Variants in ADORA2B observed in about 807,000 individuals in gnomAD.
The protein encoded by ADORA2B is adenosine receptor A2b.
ADORA2B carries 18 observed loss-of-function variants against 20.8 expected under a neutral mutation model. The observed-to-expected ratio is 0.87, with a 90% CI of 0.60 to 1.29. The LOEUF (loss-of-function observed/expected upper bound fraction) is 1.29, where lower values mean the gene tolerates loss of function less well. ADORA2B is among the 50% of genes most tolerant of loss of function. The pLI, the probability that ADORA2B is intolerant of heterozygous loss-of-function variation, is 0.00. For synonymous variants in ADORA2B, 179 were observed against 178.3 expected, an observed-to-expected ratio of 1.00 and a Z score of -0.03; for missense variants, 441 against 422.7, an observed-to-expected ratio of 1.04 and a Z score of -0.38.
the ADORA2B span, among the ~76,000 whole-genome samples, chr17:15,915,811 G>A: frequency 4.1e-3 from 626 of 152,290 alleles, 8 homozygotes; most frequent in African/African-American, 0.014. Flanking sequence ...CACTGATATT[G>A]GGGAGGGTAT....
chr17:15,871,224 C>A, the ADORA2B span, among the ~76,000 whole-genome samples: 4 of 152,124 alleles, frequency 2.6e-5, no homozygotes, highest in Non-Finnish European at 5.9e-5. Context: ...GTGTAGAGAC[C>A]TGTCAGATTG....
At chr17:15,886,793 G>A in the ADORA2B span, among the ~76,000 whole-genome samples, 2 of 130,402 alleles carry the variant, frequency 1.5e-5, 1 homozygote, top group African/African-American at 6.5e-5. Context: ...GAATCATGTG[G>A]GTCCTGAACT....
the ADORA2B span, among the ~76,000 whole-genome samples, chr17:15,855,586 T>A: frequency 6.6e-6 from 1 of 151,516 alleles, no homozygotes; most frequent in African/African-American, 2.4e-5. Flanking sequence ...TGCTTTTTTT[T>A]AATGGTGGTA....
chr17:15,966,628 T>G (rs1970120807), intron 1 of ADORA2B, among the ~76,000 whole-genome samples: 1 of 152,154 alleles, frequency 6.6e-6, no homozygotes, highest in Non-Finnish European at 1.5e-5. Flanking sequence ...CGTGTGACTG[T>G]TTTTCTGTCA....
chr17:15,946,751 A>T (rs556421616), intron 1 of ADORA2B, among the ~76,000 whole-genome samples: 3 of 151,996 alleles, frequency 2.0e-5, no homozygotes, highest in Non-Finnish European at 4.4e-5. Context: ...TGTATCAGGG[A>T]TGGGTGTCAG....
the ADORA2B span, among the ~76,000 whole-genome samples, chr17:15,857,894 C>T: frequency 1.4e-3 from 216 of 151,372 alleles, no homozygotes; most frequent in African/African-American, 5.1e-3. Flanking sequence ...CTTCAAGGCT[C>T]ATTTATGTTG....
the ADORA2B span, among the ~76,000 whole-genome samples, chr17:15,863,040 T>C: frequency 6.6e-6 from 1 of 152,150 alleles, no homozygotes; most frequent in Non-Finnish European, 1.5e-5. Flanking sequence ...GTCATATATT[T>C]TAGAGGTTTA....
At chr17:15,961,901 G>A (rs1171492967) in intron 1 of ADORA2B, among the ~76,000 whole-genome samples, 2 of 152,162 alleles carry the variant, frequency 1.3e-5, no homozygotes, top group Non-Finnish European at 2.9e-5. Flanking sequence ...TGACCTGATC[G>A]CCTCTTAAAG....
the ADORA2B span, among the ~76,000 whole-genome samples, chr17:15,905,552 T>C: frequency 6.6e-6 from 1 of 152,044 alleles, no homozygotes; most frequent in East Asian, 1.9e-4. Flanking sequence ...GCTTTTTTTT[T>C]TGTATTTTTA....
the ADORA2B span, among the ~76,000 whole-genome samples, chr17:15,894,493 A>T: frequency 6.6e-6 from 1 of 152,216 alleles, no homozygotes; most frequent in Non-Finnish European, 1.5e-5. Context: ...GGTTGGCTGG[A>T]TGCAGTTAGT....
At chr17:15,884,315 C>G in the ADORA2B span, among the ~76,000 whole-genome samples, 1 of 152,214 alleles carries the variant, frequency 6.6e-6, no homozygotes, top group East Asian at 1.9e-4. Flanking sequence ...CTGGCTGAAC[C>G]TTAGCCACAG....
the ADORA2B span, among the ~76,000 whole-genome samples, chr17:15,928,125 G>A: frequency 6.6e-6 from 1 of 152,152 alleles, no homozygotes; most frequent in African/African-American, 2.4e-5. Context: ...TGGGTTTCAA[G>A]AAAGAGGAAG....
chr17:15,888,840 ATATATATATATTTTTTTTTTTTT>A, the ADORA2B span, among the ~76,000 whole-genome samples: 1 of 17,062 alleles, frequency 5.9e-5, no homozygotes, highest in African/African-American at 4.6e-4. Flanking sequence ...ATATATATAT[ATATATATATATTTTTTTTTTTTT>A]TTTTTTTTTT....
At chr17:15,904,545 G>A in the ADORA2B span, among the ~76,000 whole-genome samples, 2 of 151,478 alleles carry the variant, frequency 1.3e-5, no homozygotes, top group Admixed American at 6.6e-5. Flanking sequence ...CCGCCACCAC[G>A]CCAGCTAATT....
chr17:15,948,141 C>CA, intron 1 of ADORA2B, among the ~76,000 whole-genome samples: 1 of 152,130 alleles, frequency 6.6e-6, no homozygotes, highest in East Asian at 1.9e-4. Context: ...GACCTACCCC[C>CA]AGTTCCTCCC....
the ADORA2B span, among the ~76,000 whole-genome samples, chr17:15,881,295 G>T: frequency 1.3e-5 from 2 of 152,058 alleles, no homozygotes; most frequent in Non-Finnish European, 2.9e-5. Flanking sequence ...TAGAGACGGG[G>T]TTTCACTGTG....
chr17:15,889,961 C>T, the ADORA2B span, among the ~76,000 whole-genome samples: 1 of 129,794 alleles, frequency 7.7e-6, no homozygotes, highest in African/African-American at 3.3e-5. Flanking sequence ...TTTTCAGTTC[C>T]CCATTTTGAA....
At chr17:15,893,661 T>G in the ADORA2B span, among the ~76,000 whole-genome samples, 1 of 152,152 alleles carries the variant, frequency 6.6e-6, no homozygotes, top group East Asian at 1.9e-4. Context: ...CAACAAAACA[T>G]TCCCTGCTGG....
the ADORA2B span, among the ~76,000 whole-genome samples, chr17:15,873,083 T>C: frequency 2.6e-5 from 4 of 152,228 alleles, no homozygotes. Flanking sequence ...AGTTCTTTTA[T>C]GCCTAGTTGT....
Sources: gnomAD v4.1 joint callset for allele counts (sites outside exome capture counted in the v4.1 genomes callset) on GRCh38, gnomAD v4.1.1 for gene constraint, MANE v1.5 for transcripts, NCBI Gene and HGNC (gene_info 2026-07-23, HGNC 2026-07-21) for gene names.